Variants in LRP1B observed in about 807,000 individuals in gnomAD.
The protein encoded by LRP1B is LDL receptor related protein 1B, also known as low-density lipoprotein receptor-related protein 1B.
In LRP1B, 217 loss-of-function variants were observed where a neutral mutation model predicts 556.6. The ratio of observed to expected loss-of-function variants is 0.39; its 90% confidence interval spans 0.35 to 0.44. LRP1B has a LOEUF of 0.44. LRP1B is among the 20% of genes least tolerant of loss of function. The pLI is 1.00. For synonymous variants in LRP1B, 2,047 were observed against 1,865.8 expected, an observed-to-expected ratio of 1.10 and a Z score of -2.50; for missense variants, 5,053 against 5,620.8, an observed-to-expected ratio of 0.90 and a Z score of 3.23.
chr2:141,256,320 A>G (rs565190359), intron 3 of LRP1B, among the ~76,000 whole-genome samples: 1 of 152,084 alleles, frequency 6.6e-6, no homozygotes, highest in Non-Finnish European at 1.5e-5. Flanking sequence ...TGCAAGAAAC[A>G]CAGGCAACAA....
intron 1 of LRP1B, among the ~76,000 whole-genome samples, chr2:142,127,891 A>C (rs1707711309): frequency 6.6e-6 from 1 of 152,040 alleles, no homozygotes; most frequent in African/African-American, 2.4e-5. Flanking sequence ...CTTCCTTTTA[A>C]GTTTTAATCC....
intron 1 of LRP1B, among the ~76,000 whole-genome samples, chr2:141,864,578 A>AAC (rs1698345643): frequency 1.3e-5 from 2 of 151,776 alleles, no homozygotes; most frequent in Non-Finnish European, 2.9e-5. Context: ...AAAAAAAAAA[A>AAC]ACTTATGAAA....
chr2:141,130,924 A>G (rs1701333474), intron 7 of LRP1B, among the ~76,000 whole-genome samples: 1 of 152,196 alleles, frequency 6.6e-6, no homozygotes, highest in African/African-American at 2.4e-5. Context: ...TAACACAGGA[A>G]CAGAAAACCA....
intron 83 of LRP1B, among the ~76,000 whole-genome samples, chr2:140,305,272 T>A (rs62171628): frequency 0.33 from 50,306 of 152,114 alleles, 9,076 homozygotes; most frequent in Non-Finnish European, 0.42. Context: ...ACGATACTGA[T>A]TCTTCCTATC....
intron 3 of LRP1B, among the ~76,000 whole-genome samples, chr2:141,425,443 G>A (rs1348045086): frequency 6.6e-6 from 1 of 151,162 alleles, no homozygotes; most frequent in African/African-American, 2.4e-5. Flanking sequence ...CCAGTAATGG[G>A]ATGGCTGGGT....
At chr2:140,288,329 T>A (rs1683241769) in intron 84 of LRP1B, among the ~76,000 whole-genome samples, 1 of 151,774 alleles carries the variant, frequency 6.6e-6, no homozygotes. Context: ...TCTTTAATAG[T>A]TAAACATAAA....
chr2:140,601,677 T>A (rs2105199957), intron 41 of LRP1B, 38 bp from the exon 42 acceptor site: 3 of 1,444,600 alleles, frequency 2.1e-6, no homozygotes, highest in Non-Finnish European at 2.8e-6. Flanking sequence ...TATACTTTTA[T>A]TTACAAAAAA....
chr2:141,269,363 A>C (rs920555728), intron 3 of LRP1B, among the ~76,000 whole-genome samples: 1 of 152,212 alleles, frequency 6.6e-6, no homozygotes, highest in Non-Finnish European at 1.5e-5. Flanking sequence ...GCATAAGACT[A>C]TTTTAGAGCA....
At chr2:141,876,466 A>G (rs1458106450) in intron 1 of LRP1B, among the ~76,000 whole-genome samples, 1 of 151,964 alleles carries the variant, frequency 6.6e-6, no homozygotes, top group African/African-American at 2.4e-5. Flanking sequence ...CAAGAGAGAC[A>G]TAAGCTGTCC....
chr2:140,483,842 T>G (rs2105360230), intron 59 of LRP1B, among the ~76,000 whole-genome samples: 2 of 151,788 alleles, frequency 1.3e-5, no homozygotes, highest in Middle Eastern at 6.8e-3. Flanking sequence ...GGTTTCGCCA[T>G]GGTGGCCAGG....
intron 82 of LRP1B, among the ~76,000 whole-genome samples, chr2:140,317,425 G>GA: frequency 6.6e-6 from 1 of 151,930 alleles, no homozygotes; most frequent in Non-Finnish European, 1.5e-5. Flanking sequence ...GAAAAATGAG[G>GA]AAAAATTAAG....
rs374279360 is a variant in LRP1B at position 140,927,627 on chromosome 2, A to T, written c.3137-4480T>A. On this transcript the variant is annotated intron_variant, in intron 20 of 90. Transcript: ENST00000389484. ...TTATCATTTATTTTATGCTATTATA[A>T]GATCATGATAAAATTTGTTCTTTTA... 6.6e-5 allele frequency among the ~76,000 whole-genome samples: 10 copies of T among 151,676 alleles called. No homozygotes were observed. In the East Asian group the frequency reaches 9.7e-4, roughly 15 times the overall value.
chr2:141,643,498 T>A (rs1689423332), intron 2 of LRP1B, among the ~76,000 whole-genome samples: 1 of 152,080 alleles, frequency 6.6e-6, no homozygotes, highest in African/African-American at 2.4e-5. Flanking sequence ...GAAATGTAGG[T>A]TTGTGGGAAA....
chr2:142,071,021 A>T (rs952889472), intron 1 of LRP1B, among the ~76,000 whole-genome samples: 1 of 151,894 alleles, frequency 6.6e-6, no homozygotes, highest in Non-Finnish European at 1.5e-5. Context: ...AATGAACTGG[A>T]TATTAAGAGA....
In LRP1B at chr2:142,013,564, G is replaced by C. The variant is rs920424664; in HGVS notation, c.82+117084C>G. ...ACACATGTAATATATCTATTCTACA[G>C]AAAAAAAAAATAAGTCACTTGCCCA... On this transcript the variant is annotated intron_variant, in intron 1 of 90. Transcript: ENST00000389484. Among the ~76,000 whole-genome samples, 3 of 146,282 alleles carry C rather than the reference G, an allele frequency of 2.1e-5. No homozygotes were observed. The East Asian group carries it at 5.9e-4, about 29-fold the overall frequency.
intron 1 of LRP1B, among the ~76,000 whole-genome samples, chr2:141,927,201 T>A (rs1574499258): frequency 7.3e-6 from 1 of 137,396 alleles, no homozygotes; most frequent in Non-Finnish European, 1.5e-5. Flanking sequence ...CCCATTCCCC[T>A]AATAGATTAC....
At chr2:141,424,253 A>T (rs1352014721) in intron 3 of LRP1B, among the ~76,000 whole-genome samples, 1 of 151,842 alleles carries the variant, frequency 6.6e-6, no homozygotes, top group Non-Finnish European at 1.5e-5. Context: ...AGCTGGGATT[A>T]CAGGCATGCG....
intron 3 of LRP1B, among the ~76,000 whole-genome samples, chr2:141,305,722 G>C (rs1340743940): frequency 6.6e-6 from 1 of 152,038 alleles, no homozygotes; most frequent in African/African-American, 2.4e-5. Flanking sequence ...GTTAGCTCTG[G>C]GTTTGTTATA....
In LRP1B at chr2:142,027,740, A is replaced by T. The variant is rs185379876; in HGVS notation, c.82+102908T>A. ...CCCAAGACTACATAGCTTGAAAGTG[A>T]TGTCCAAGATAAAAACTTCAGAGTT... On this transcript the variant is annotated intron_variant, in intron 1 of 90. Coordinates refer to ENST00000389484, the MANE Select transcript of LRP1B (RefSeq NM_018557.3). Among the ~76,000 whole-genome samples, 20 of 151,828 alleles carry T rather than the reference A, an allele frequency of 1.3e-4. 1 individual carries two copies. Among genetic ancestry groups the T allele is most frequent in the African/African-American group, 4.8e-4 (20 of 41,504 alleles).
Sources: allele counts gnomAD v4.1 joint callset (sites outside exome capture counted in the v4.1 genomes callset), GRCh38; gene constraint gnomAD v4.1.1; transcripts MANE v1.5; gene names NCBI Gene and HGNC (gene_info 2026-07-23, HGNC 2026-07-21).